ZNF91: variants seen among roughly 807,000 people sequenced by gnomAD.
ZNF91 encodes the protein zinc finger protein 91.
Under a neutral mutation model 12.6 loss-of-function variants are expected in ZNF91, and 7 were observed. The ratio of observed to expected loss-of-function variants is 0.55; its 90% CI spans 0.31 to 1.04. The LOEUF (loss-of-function observed/expected upper bound fraction) is 1.04. ZNF91 is among the 50% of genes least tolerant of loss of function. The pLI, the probability that ZNF91 is intolerant of heterozygous loss-of-function variation, is 0.05. For synonymous variants in ZNF91, 453 were observed against 462.6 expected (o/e 0.98, Z 0.27); for missense variants, 1,217 against 1,385.4 (o/e 0.88, Z 1.93).
At chr19:23,395,304 C>T in intron 1 of ZNF91, 21 bp downstream of exon 1, 2 of 1,612,526 alleles carry the variant, frequency 1.2e-6, no homozygotes, top group South Asian at 1.1e-5. Flanking sequence ...TCTCTCGGGA[C>T]GTCGCACCTG....
At chr19:23,314,960 T>C (rs1967529404), upstream of ZNF91, among the ~76,000 whole-genome samples, 1 of 152,192 alleles carries the variant, frequency 6.6e-6, no homozygotes. Flanking sequence ...ACTGGAGTGA[T>C]TGTGACATAT....
intron 1 of ZNF91, among the ~76,000 whole-genome samples, chr19:23,384,088 G>A (rs1250255727): frequency 6.6e-6 from 1 of 152,032 alleles, no homozygotes; most frequent in African/African-American, 2.4e-5. Context: ...CAGCCTGGGC[G>A]ACAAAGCAAA....
At chr19:23,389,786 C>T (rs1969999334) in intron 1 of ZNF91, among the ~76,000 whole-genome samples, 1 of 152,178 alleles carries the variant, frequency 6.6e-6, no homozygotes, top group South Asian at 2.1e-4. Flanking sequence ...AACTTATTAT[C>T]TAAAACTTCA....
At chr19:23,337,348 A>ATGTG (rs916885109), downstream of ZNF91, among the ~76,000 whole-genome samples, 1 of 151,388 alleles carries the variant, frequency 6.6e-6, no homozygotes, top group South Asian at 2.1e-4. Context: ...GTGTGTGTGT[A>ATGTG]TGTGTGTGTG....
intron 3 of ZNF91, among the ~76,000 whole-genome samples, chr19:23,367,545 A>C (rs2145077940): frequency 6.6e-6 from 1 of 152,320 alleles, no homozygotes; most frequent in East Asian, 1.9e-4. Context: ...TAGTTTTTTA[A>C]AGAAATACTG....
In ZNF91 at chr19:23,359,350, A is replaced by G. The variant is rs1968605605; in HGVS notation, c.*53T>C. The G allele has an allele frequency of 9.4e-6, 6 of 634,942 alleles. No individual in the cohort carries two copies. In the East Asian group the frequency reaches 1.4e-4, roughly 15 times the overall value. 39.3% of individuals were successfully genotyped at this position (634,942 alleles called of 1,614,324 possible). On this transcript the variant is annotated 3_prime_UTR_variant, in exon 4 of 4. Coordinates refer to ENST00000300619, the MANE Select transcript of ZNF91 (RefSeq NM_003430.4). ...CCATTCTCCTGCCTCAGCCTCTCGCATAGCTGGGACTACAGGCGCCCGCCA... is the reference window on the plus strand; with the variant it reads ...CCATTCTCCTGCCTCAGCCTCTCGCGTAGCTGGGACTACAGGCGCCCGCCA...
chr19:23,355,706 T>C (rs1031453921), downstream of ZNF91, among the ~76,000 whole-genome samples: 1 of 152,170 alleles, frequency 6.6e-6, no homozygotes, highest in East Asian at 1.9e-4. Flanking sequence ...TCTATACATC[T>C]GACAATGGAT....
rs1968806470 is a variant in ZNF91 at position 23,362,041 on chromosome 19, T to C, written c.938A>G (p.Lys313Arg). 1 of 1,612,342 alleles carries C rather than the reference T, an allele frequency of 6.2e-7. No individual in the cohort carries two copies. Among genetic ancestry groups the C allele is most frequent in the Non-Finnish European group, 8.5e-7 (1 of 1,179,486 alleles). Residue 313 changes from lysine to arginine, a missense_variant, in exon 4 of 4, where the codon AAG becomes AGG. Lys to Arg is a conservative substitution (Grantham distance 26). Coordinates refer to ENST00000300619, the MANE Select transcript of ZNF91 (RefSeq NM_003430.4). ...FSHSSTLAKH[K>R]RIHTGEKPYK... ...GGGTTTCTCTCCAGTATGAATTCTCTTATGTTTAGCAAGGGTTGAAGAATG... is the reference window on the plus strand; with the variant it reads ...GGGTTTCTCTCCAGTATGAATTCTCCTATGTTTAGCAAGGGTTGAAGAATG...
chr19:23,352,262 C>T (rs1401824923), intron 3 of ZNF91, among the ~76,000 whole-genome samples: 2 of 152,096 alleles, frequency 1.3e-5, no homozygotes, highest in Non-Finnish European at 2.9e-5. Flanking sequence ...CTTATGACTG[C>T]CGGCTTTCCC....
At chr19:23,384,550 T>G (rs954032934) in intron 1 of ZNF91, 1 of 1,159,408 alleles carries the variant, frequency 8.6e-7, no homozygotes, top group Non-Finnish European at 1.1e-6. Context: ...AGGCCCCAAT[T>G]TACCTGAAAG....
intron 3 of ZNF91, among the ~76,000 whole-genome samples, chr19:23,373,106 A>C (rs1418953571): frequency 1.3e-5 from 2 of 152,102 alleles, no homozygotes; most frequent in Non-Finnish European, 2.9e-5. Flanking sequence ...ACATTCTATC[A>C]CTCTGAGGAC....
chr19:23,323,116 CTCCTCCTTTTCAGTTCT>C (rs1431886266), intron 1 of ZNF91, among the ~76,000 whole-genome samples: 2 of 146,920 alleles, frequency 1.4e-5, no homozygotes, highest in African/African-American at 5.1e-5. Flanking sequence ...TCCTTTTCCT[CTCCTCCTTTTCAGTTCT>C]TCCTCCTTTT....
chr19:23,308,836 C>T (rs1382044390), intron 2 of ZNF91: 1 of 152,238 alleles, frequency 6.6e-6, no homozygotes, highest in Non-Finnish European at 1.5e-5. Context: ...TGACATATTG[C>T]TATACCCAGA....
intron 1 of ZNF91, chr19:23,323,929 CCTT>C (rs199679270): frequency 0.019 from 2,918 of 149,962 alleles, 56 homozygotes; most frequent in Non-Finnish European, 0.029. Flanking sequence ...TTCTCCTCCT[CCTT>C]CTCTTCTCCT....
At chr19:23,312,073 TC>T (rs981488653), upstream of ZNF91, among the ~76,000 whole-genome samples, 2 of 152,080 alleles carry the variant, frequency 1.3e-5, no homozygotes, top group African/African-American at 2.4e-5. Flanking sequence ...TTATACCATA[TC>T]CCTGGCTGAA....
chr19:23,364,572 T>C (rs962213412), intron 3 of ZNF91, among the ~76,000 whole-genome samples: 1 of 141,526 alleles, frequency 7.1e-6, no homozygotes, highest in Non-Finnish European at 1.5e-5. Context: ...ATTTATTTTC[T>C]GGTAAATTTT....
At chr19:23,393,275 C>CT (rs1229364054) in intron 1 of ZNF91, among the ~76,000 whole-genome samples, 10 of 152,084 alleles carry the variant, frequency 6.6e-5, no homozygotes, top group Non-Finnish European at 1.5e-4. Context: ...AAGGAATTAA[C>CT]TTTAAAAAAA....
At chr19:23,322,164 G>A (rs1455254168) in intron 1 of ZNF91, among the ~76,000 whole-genome samples, 3 of 152,180 alleles carry the variant, frequency 2.0e-5, no homozygotes, top group Admixed American at 6.5e-5. Context: ...CCTAGGTTAC[G>A]TAACTTTCCT....
At chr19:23,381,604 G>A (rs1474015506) in intron 1 of ZNF91, among the ~76,000 whole-genome samples, 1 of 151,904 alleles carries the variant, frequency 6.6e-6, no homozygotes, top group Non-Finnish European at 1.5e-5. Flanking sequence ...TGGATTACAG[G>A]CGTGCGCCAC....
Sources: allele counts gnomAD v4.1 joint callset (sites outside exome capture counted in the v4.1 genomes callset), GRCh38; gene constraint gnomAD v4.1.1; transcripts MANE v1.5; gene names NCBI Gene and HGNC (gene_info 2026-07-23, HGNC 2026-07-21).